Variants in JAKMIP3 observed in about 807,000 individuals in gnomAD.
JAKMIP3 encodes Janus kinase and microtubule interacting protein 3.
JAKMIP3 carries 58 observed loss-of-function variants against 118.5 expected under a neutral mutation model. That is an observed-to-expected ratio of 0.49 (90% CI 0.40 to 0.61). JAKMIP3 has a LOEUF of 0.61. Among genes scored for constraint, JAKMIP3 ranks in the 20% least tolerant of loss-of-function variants. The probability of loss-of-function intolerance (pLI) is 0.00; values close to 1 mark genes in which losing one functional copy is unlikely to be tolerated. For missense variants in JAKMIP3, 950 were observed against 1,109.0 expected, an observed-to-expected ratio of 0.86 and a Z score of 2.04; for synonymous variants, 486 against 451.2, an observed-to-expected ratio of 1.08 and a Z score of -0.98.
At chr10:132,072,257 C>G (rs952972801) in intron 1 of JAKMIP3, among the ~76,000 whole-genome samples, 1 of 151,900 alleles carries the variant, frequency 6.6e-6, no homozygotes, top group African/African-American at 2.4e-5. Context: ...CTTTTTAAAA[C>G]GTTTAGGCTG....
At chr10:132,086,160 G>C (rs1244026607) in intron 1 of JAKMIP3, among the ~76,000 whole-genome samples, 1 of 152,090 alleles carries the variant, frequency 6.6e-6, no homozygotes, top group Admixed American at 6.6e-5. Context: ...CCATGTATTT[G>C]TGTGGTTTTG....
At chr10:132,042,184 C>CTTCCTTACTTCCTTCCTTCCTTCCT (rs1554909339) in intron 1 of JAKMIP3, among the ~76,000 whole-genome samples, 1 of 132,096 alleles carries the variant, frequency 7.6e-6, no homozygotes, top group African/African-American at 3.0e-5. Context: ...TGCTCGCTCG[C>CTTCCTTACTTCCTTCCTTCCTTCCT]TCCTTCCTTC....
chr10:132,119,831 G>A (rs1219343025), intron 3 of JAKMIP3, among the ~76,000 whole-genome samples: 5 of 152,126 alleles, frequency 3.3e-5, no homozygotes, highest in East Asian at 1.9e-4. Flanking sequence ...CAATGAACAC[G>A]TCAAAGATTT....
intron 23 of JAKMIP3, among the ~76,000 whole-genome samples, chr10:132,171,730 C>A (rs2059517898): frequency 6.7e-6 from 1 of 150,256 alleles, no homozygotes; most frequent in East Asian, 2.0e-4. Flanking sequence ...CGGCTCACTG[C>A]AACCTCCTCC....
chr10:132,172,945 A>T (rs1458643432), intron 23 of JAKMIP3, among the ~76,000 whole-genome samples: 1 of 120,166 alleles, frequency 8.3e-6, no homozygotes, highest in Admixed American at 8.2e-5. Context: ...TTCCCTCTCT[A>T]CTTCCTTCTC....
chr10:132,171,655 T>TC (rs56270597), intron 23 of JAKMIP3, among the ~76,000 whole-genome samples: 5,083 of 138,856 alleles, frequency 0.037, 141 homozygotes, highest in Non-Finnish European at 0.056. Context: ...TTTCTTTCTT[T>TC]TTTTTTTTTT....
At chr10:132,164,149 C>T (rs1368834670) in intron 20 of JAKMIP3, among the ~76,000 whole-genome samples, 2 of 152,256 alleles carry the variant, frequency 1.3e-5, no homozygotes, top group Non-Finnish European at 2.9e-5. Context: ...TGGCCATGCT[C>T]TGCTGGCTCC....
chr10:132,164,775 A>C, intron 21 of JAKMIP3, 40 bp downstream of exon 21: 2 of 1,397,102 alleles, frequency 1.4e-6, no homozygotes, highest in Non-Finnish European at 2.0e-6. Context: ...TGTTAAGATC[A>C]AGGGAGAGGA....
At chr10:132,143,497 A>G (rs1399052143) in intron 11 of JAKMIP3, among the ~76,000 whole-genome samples, 1 of 152,202 alleles carries the variant, frequency 6.6e-6, no homozygotes, top group African/African-American at 2.4e-5. Context: ...CATGGAAGCA[A>G]AGAACTCAGA....
intron 3 of JAKMIP3, among the ~76,000 whole-genome samples, chr10:132,122,610 G>T (rs1043973058): frequency 1.3e-5 from 2 of 152,256 alleles, no homozygotes; most frequent in Non-Finnish European, 2.9e-5. Flanking sequence ...TGCAGGCCTG[G>T]AAGTGTGGCA....
At chr10:132,105,536 C>T (rs1035806989) in intron 2 of JAKMIP3, among the ~76,000 whole-genome samples, 1 of 114,426 alleles carries the variant, frequency 8.7e-6, no homozygotes, top group Non-Finnish European at 1.7e-5. Flanking sequence ...TGCTGGCAGC[C>T]AAGGGGGTGG....
upstream of JAKMIP3, among the ~76,000 whole-genome samples, chr10:132,064,382 T>C (rs969127555): frequency 1.4e-4 from 22 of 152,056 alleles, no homozygotes; most frequent in Non-Finnish European, 2.9e-4. The surrounding 1 kb of genome is among the most constrained non-coding windows in gnomAD (Gnocchi z 4.4). Flanking sequence ...AGGAAGGTTG[T>C]CCCCGTGGCC....
At chr10:132,104,227 C>T (rs9419367) in intron 1 of JAKMIP3, among the ~76,000 whole-genome samples, 34,324 of 151,164 alleles carry the variant, frequency 0.23, 4,764 homozygotes, top group African/African-American at 0.38. Context: ...CACTTCTGGG[C>T]ATTTCCTGGG....
At chr10:132,109,061 C>T (rs1398076652) in intron 2 of JAKMIP3, among the ~76,000 whole-genome samples, 1 of 2,578 alleles carries the variant, frequency 3.9e-4, no homozygotes, top group Admixed American at 8.8e-3. Context: ...CATACATGCA[C>T]ATATACACAC....
rs1275151060 is a variant in JAKMIP3 at position 132,135,794 on chromosome 10, A to T, written c.970-136A>T. ...CGCTGGGCCAGTGGGCACCACTTGG[A>T]GGCGTGGACTTCCCAAGTAGAGGGC... On this transcript the variant is annotated intron_variant, in intron 5 of 23. Transcript: ENST00000684848. 1.1e-5 allele frequency: 10 copies of T among 903,850 alleles called. No homozygotes were observed. In the African/African-American group the frequency reaches 1.5e-4, roughly 14 times the overall value. 56.0% of individuals were successfully genotyped at this position (903,850 alleles called of 1,614,324 possible). A position where few individuals can be genotyped will look rare whatever the true frequency, so the allele number is the denominator to read the frequency against.
At chr10:132,148,881 C>T (rs926144819) in intron 14 of JAKMIP3, among the ~76,000 whole-genome samples, 2 of 152,212 alleles carry the variant, frequency 1.3e-5, no homozygotes, top group Non-Finnish European at 2.9e-5. Flanking sequence ...CAGGCCAGCA[C>T]CTGGAGCCTC....
At chr10:132,144,498 C>G (rs575930901) in intron 11 of JAKMIP3, 1 of 152,450 alleles carries the variant, frequency 6.6e-6, no homozygotes, top group Non-Finnish European at 1.5e-5. Flanking sequence ...GGGCTGAGCA[C>G]ACGCTAGGCC....
intron 23 of JAKMIP3, among the ~76,000 whole-genome samples, chr10:132,172,745 G>A (rs1017388154): frequency 2.0e-5 from 3 of 151,770 alleles, no homozygotes; most frequent in African/African-American, 4.8e-5. Context: ...CCCACAAGGC[G>A]GGGTCCATAA....
Position 132,145,664 on chromosome 10 carries a change from G to A in JAKMIP3, c.1749+84G>A, listed in dbSNP as rs2054463445. The A allele has an allele frequency of 6.8e-6, 8 of 1,183,072 alleles. No individual in the cohort carries two copies. In the South Asian group the frequency reaches 8.0e-5, roughly 12 times the overall value. 73.3% of individuals were successfully genotyped at this position (1,183,072 alleles called of 1,614,324 possible). On this transcript the variant is annotated intron_variant, in intron 13 of 23. Transcript: ENST00000684848. ...AGTGGTCCCTGCGGGGCTGAAGGATGGAGCGAGGGCTGAGGCTTCTGAATG... is the reference window on the plus strand; with the variant it reads ...AGTGGTCCCTGCGGGGCTGAAGGATAGAGCGAGGGCTGAGGCTTCTGAATG...
Sources: gnomAD v4.1 joint callset for allele counts (sites outside exome capture counted in the v4.1 genomes callset) on GRCh38, gnomAD v4.1.1 for gene constraint, Gnocchi (gnomAD v3.1) non-coding constraint, MANE v1.5 for transcripts, NCBI Gene and HGNC (gene_info 2026-07-23, HGNC 2026-07-21) for gene names.